INPP4A: variants seen among roughly 807,000 people sequenced by gnomAD.
INPP4A encodes inositol polyphosphate-4-phosphatase type I A, also known as inositol polyphosphate-4-phosphatase, type I, 107kD.
A neutral mutation model predicts 119.8 loss-of-function variants in INPP4A; 33 were observed. The ratio of observed to expected loss-of-function variants is 0.28; its 90% confidence interval spans 0.21 to 0.37. INPP4A has a LOEUF of 0.37. Among genes scored for constraint, INPP4A ranks in the 10% least tolerant of loss-of-function variants. The pLI, the probability that INPP4A is intolerant of heterozygous loss-of-function variation, is 1.00. For missense variants in INPP4A, 956 were observed against 1,289.9 expected, an observed-to-expected ratio of 0.74 and a Z score of 3.97; for synonymous variants, 496 against 500.7, an observed-to-expected ratio of 0.99 and a Z score of 0.12.
intron 24 of INPP4A, among the ~76,000 whole-genome samples, chr2:98,584,339 G>A: frequency 6.6e-6 from 1 of 152,260 alleles, no homozygotes; most frequent in Middle Eastern, 3.2e-3. Context: ...AATGCCTGTA[G>A]TGGTGACTTA....
Position 98,570,815 on chromosome 2 carries a change from G to T in INPP4A, c.2519-2000G>T, listed in dbSNP as rs867681335. Among the ~76,000 whole-genome samples, 3 of 152,272 alleles carry T rather than the reference G, an allele frequency of 2.0e-5. No homozygotes were observed. Among genetic ancestry groups the T allele is most frequent in the African/African-American group, 4.8e-5 (2 of 41,528 alleles). On this transcript the variant is annotated intron_variant, in intron 22 of 24. Transcript: ENST00000409851. The surrounding 1 kb of genome is among the most constrained non-coding windows in gnomAD (Gnocchi z 4.3). Reference sequence around the variant, plus strand: ...AGCCTCAGTCTCCCCAGTAAAACAGGTGTTCTTGTCCTGCTCAACATGAGA... The same window carrying T: ...AGCCTCAGTCTCCCCAGTAAAACAGTTGTTCTTGTCCTGCTCAACATGAGA...
At chr2:98,500,952 G>A (rs1321663713) in intron 1 of INPP4A, among the ~76,000 whole-genome samples, 2 of 152,216 alleles carry the variant, frequency 1.3e-5, no homozygotes, top group Admixed American at 6.5e-5. Flanking sequence ...AGTTAAATTT[G>A]TTTTATATAT....
intron 5 of INPP4A, 58 bp from the exon 6 acceptor site, chr2:98,535,671 A>G: frequency 1.4e-6 from 1 of 738,718 alleles, no homozygotes; most frequent in Non-Finnish European, 2.3e-6. Context: ...GTATTTCAAA[A>G]GCAATTACAT....
chr2:98,488,715 A>G (rs917887924), intron 1 of INPP4A, among the ~76,000 whole-genome samples: 14 of 152,230 alleles, frequency 9.2e-5, no homozygotes, highest in African/African-American at 3.1e-4. Flanking sequence ...TGGACACACG[A>G]GAAGCTATGT....
At position 98,566,313 on chromosome 2, in the gene INPP4A, G is replaced by T. The variant is rs1313708864; in HGVS notation, c.2420+144G>T. On this transcript the variant is annotated intron_variant, in intron 21 of 24. Coordinates refer to ENST00000409851, the MANE Select transcript of INPP4A (RefSeq NM_001134225.2). The surrounding 1 kb of genome is among the most constrained non-coding windows in gnomAD (Gnocchi z 4.2). ...TGGCCAACATTTTCATCATGGCCGT[G>T]CACCTCACTGTCTTTGGTGCTAGGG... The T allele has an allele frequency of 2.6e-5, 24 of 914,932 alleles. No individual in the cohort carries two copies. The East Asian group carries it at 6.9e-4, about 26-fold the overall frequency. The allele number at this position is 914,932 out of a possible 1,614,324, so 56.7% of individuals were successfully genotyped here. A position where few individuals can be genotyped will look rare whatever the true frequency, so the allele number is the denominator to read the frequency against.
chr2:98,547,010 G>GTCA, intron 13 of INPP4A, among the ~76,000 whole-genome samples: 1 of 152,362 alleles, frequency 6.6e-6, no homozygotes, highest in Non-Finnish European at 1.5e-5. Flanking sequence ...TCCCTGGCCA[G>GTCA]TCAGTTGAGC....
Position 98,518,964 on chromosome 2 carries a change from A to G in INPP4A, c.-165A>G, listed in dbSNP as rs1050309764. On this transcript the variant is annotated splice_region_variant and 5_prime_UTR_variant, in exon 2 of 25. The change abolishes an upstream ATG in the 5' untranslated region. Transcript: ENST00000409851. Reference sequence around the variant, plus strand: ...TAAGTTTTCGCTTTCTTATTTTTAGATGATGGATTTGGACATGCTTCTATG... The same window carrying G: ...TAAGTTTTCGCTTTCTTATTTTTAGGTGATGGATTTGGACATGCTTCTATG... The G allele has an allele frequency of 2.6e-5, 4 of 152,130 alleles. No individual in the cohort carries two copies. The highest frequency in any genetic ancestry group is 5.9e-5 in the Non-Finnish European group (4 of 68,016). The allele number at this position is 152,130 out of a possible 1,614,324, so 9.4% of individuals were successfully genotyped here.
intron 19 of INPP4A, 136 bp downstream of exon 19, chr2:98,564,899 T>G (rs1161374580): frequency 5.7e-6 from 6 of 1,049,776 alleles, no homozygotes; most frequent in Non-Finnish European, 8.0e-6. Context: ...GCAGACCAGA[T>G]GGCAGACCTG....
chr2:98,555,515 G>A, intron 15 of INPP4A, 38 bp from the exon 16 acceptor site: 3 of 1,558,698 alleles, frequency 1.9e-6, no homozygotes, highest in Non-Finnish European at 1.7e-6. Context: ...GTTTCTGTTC[G>A]GGAGAGCTGA....
rs542268972 is a variant in INPP4A at position 98,478,634 on chromosome 2, A to G, written c.-166+33549A>G. ...CTTTTGACCTTTTTGATGGTTACCA[A>G]TGTGGCTGTGAAGAGGGTCCCTGCC... On this transcript the variant is annotated intron_variant, in intron 1 of 24. Coordinates refer to ENST00000409851, the MANE Select transcript of INPP4A (RefSeq NM_001134225.2). Among the ~76,000 whole-genome samples, 13 of 152,314 alleles carry G rather than the reference A, an allele frequency of 8.5e-5. No individual in the cohort carries two copies. In the East Asian group the frequency reaches 1.7e-3, roughly 20 times the overall value.
intron 24 of INPP4A, among the ~76,000 whole-genome samples, chr2:98,579,515 T>C (rs1028015980): frequency 6.6e-6 from 1 of 152,242 alleles, no homozygotes; most frequent in African/African-American, 2.4e-5. Context: ...TTTTGAATAA[T>C]TTTAGTACAG....
chr2:98,555,903 A>C, intron 16 of INPP4A, 95 bp downstream of exon 16: 117 of 1,359,166 alleles, frequency 8.6e-5, no homozygotes, highest in Non-Finnish European at 1.0e-4. Flanking sequence ...CTCCTCCCCC[A>C]TGCAGACTGC....
intron 23 of INPP4A, among the ~76,000 whole-genome samples, chr2:98,573,362 A>G (rs1223441025): frequency 6.6e-6 from 1 of 152,090 alleles, no homozygotes; most frequent in African/African-American, 2.4e-5. Context: ...ATTTTCTCCA[A>G]AGTTTACTTG....
chr2:98,583,087 A>C (rs1056318711), intron 24 of INPP4A, among the ~76,000 whole-genome samples: 1 of 152,260 alleles, frequency 6.6e-6, no homozygotes, highest in African/African-American at 2.4e-5. Flanking sequence ...ACACAGAAAG[A>C]TCACCTACTG....
At chr2:98,571,659 C>T (rs1697475578) in intron 22 of INPP4A, among the ~76,000 whole-genome samples, 3 of 152,244 alleles carry the variant, frequency 2.0e-5, no homozygotes, top group Non-Finnish European at 2.9e-5. Flanking sequence ...AGGTACCCCT[C>T]CCCTCAGCAG....
chr2:98,526,314 T>C (rs1333422538), intron 4 of INPP4A, among the ~76,000 whole-genome samples: 1 of 152,232 alleles, frequency 6.6e-6, no homozygotes, highest in African/African-American at 2.4e-5. Flanking sequence ...TGGGTGTTTA[T>C]GATTGTTAAA....
chr2:98,517,050 G>T (rs755716538), intron 1 of INPP4A, among the ~76,000 whole-genome samples: 1 of 151,944 alleles, frequency 6.6e-6, no homozygotes, highest in Admixed American at 6.6e-5. Flanking sequence ...TGTGTAACCC[G>T]CACCCAGATC....
At position 98,588,666 on chromosome 2, in the gene INPP4A, A is replaced by C. The variant is rs1414266909; in HGVS notation, c.*1058A>C. ...GAAACAGTTGAAATTTATTCTCCTC[A>C]AATGAGATTTTGAAAGGGATTTATG... On this transcript the variant is annotated 3_prime_UTR_variant, in exon 25 of 25. Transcript: ENST00000409851. 2 of 223,594 alleles carry C rather than the reference A, an allele frequency of 8.9e-6. No individual in the cohort carries two copies. Among genetic ancestry groups the C allele is most frequent in the East Asian group, 6.5e-5 (1 of 15,298 alleles). 13.9% of individuals were successfully genotyped at this position (223,594 alleles called of 1,614,324 possible).
chr2:98,547,186 G>A (rs1692632500), intron 13 of INPP4A, among the ~76,000 whole-genome samples: 1 of 152,256 alleles, frequency 6.6e-6, no homozygotes, highest in African/African-American at 2.4e-5. Flanking sequence ...CATGGCAGAA[G>A]CATTGCACAT....
Sources: allele counts gnomAD v4.1 joint callset (sites outside exome capture counted in the v4.1 genomes callset), GRCh38; gene constraint gnomAD v4.1.1; non-coding constraint Gnocchi (gnomAD v3.1); transcripts MANE v1.5; gene names NCBI Gene and HGNC (gene_info 2026-07-23, HGNC 2026-07-21).